DCLK2: variants seen among roughly 807,000 people sequenced by gnomAD.
DCLK2 encodes serine/threonine-protein kinase DCLK2.
In DCLK2, 31 loss-of-function variants were observed where a neutral mutation model predicts 78.4. That is an observed-to-expected ratio of 0.40 (90% CI 0.30 to 0.53). The LOEUF is 0.53. DCLK2 is among the 20% of genes least tolerant of loss of function. The pLI, the probability that DCLK2 is intolerant of heterozygous loss-of-function variation, is 0.61. For synonymous variants in DCLK2, 407 were observed against 374.9 expected (o/e 1.09, Z -0.99); for missense variants, 872 against 973.7 (o/e 0.90, Z 1.39).
At chr4:150,250,858 C>A (rs1158143030) in intron 15 of DCLK2, among the ~76,000 whole-genome samples, 1 of 136,002 alleles carries the variant, frequency 7.4e-6, no homozygotes, top group Admixed American at 7.2e-5. Flanking sequence ...ACCCACATCC[C>A]CACACCCCCA....
At chr4:150,246,047 C>CT (rs35501963) in intron 12 of DCLK2, among the ~76,000 whole-genome samples, 2,120 of 143,718 alleles carry the variant, frequency 0.015, 56 homozygotes, top group Admixed American at 0.067. Context: ...AAACTCTACT[C>CT]TTTTTTTTTT....
At chr4:150,107,378 G>GTTTTTTTTTTTTTTTTTTTTTT (rs201080236) in intron 2 of DCLK2, among the ~76,000 whole-genome samples, 1 of 125,180 alleles carries the variant, frequency 8.0e-6, no homozygotes, top group African/African-American at 3.2e-5. Context: ...TTTGGTTATT[G>GTTTTTTTTTTTTTTTTTTTTTT]TTTTTTTTTT....
chr4:150,226,980 T>C (rs1286328669), intron 8 of DCLK2, among the ~76,000 whole-genome samples: 3 of 152,380 alleles, frequency 2.0e-5, no homozygotes, highest in African/African-American at 7.2e-5. Flanking sequence ...ATCTGCTATT[T>C]GTTAAAATGT....
intron 4 of DCLK2, chr4:150,198,989 C>T (rs1483585197): frequency 1.3e-6 from 2 of 1,530,436 alleles, no homozygotes; most frequent in Non-Finnish European, 1.8e-6. Flanking sequence ...AACCACTCTC[C>T]TTACTGTCTT....
chr4:150,096,163 G>T lies in DCLK2; in HGVS notation c.422-6315G>T, dbSNP rs185781438. ...GTAGAAGGAGTTGGTTTCCAGAGGG[G>T]TTTAGACCAAAGTCAACCGTTCTGC... On this transcript the variant is annotated intron_variant, in intron 1 of 15. Transcript: ENST00000296550. 3.0e-3 allele frequency among the ~76,000 whole-genome samples: 453 copies of T among 152,330 alleles called. 4 individuals carry two copies. The highest frequency in any genetic ancestry group is 0.01 in the African/African-American group (433 of 41,582).
chr4:150,214,953 CAAAAAAA>C (rs60156550), intron 5 of DCLK2, among the ~76,000 whole-genome samples: 3 of 86,474 alleles, frequency 3.5e-5, no homozygotes, highest in African/African-American at 1.3e-4. Context: ...CAGAGTGTCT[CAAAAAAA>C]AAAAAAAAAA....
chr4:150,110,586 G>C (rs550809984), intron 2 of DCLK2, among the ~76,000 whole-genome samples: 1 of 152,122 alleles, frequency 6.6e-6, no homozygotes, highest in East Asian at 1.9e-4. Flanking sequence ...CGTCACCTGA[G>C]TAGTGTACAT....
At chr4:150,093,526 C>A (rs1730244780) in intron 1 of DCLK2, among the ~76,000 whole-genome samples, 1 of 152,186 alleles carries the variant, frequency 6.6e-6, no homozygotes, top group South Asian at 2.1e-4. Context: ...GAATTACAGG[C>A]TTGTGCCACC....
intron 5 of DCLK2, among the ~76,000 whole-genome samples, chr4:150,214,748 G>T (rs1311303720): frequency 1.3e-5 from 2 of 151,908 alleles, no homozygotes; most frequent in Non-Finnish European, 2.9e-5. Flanking sequence ...GATCACTTGG[G>T]GTCAAGAGTT....
At chr4:150,159,843 G>A (rs1468775792) in intron 2 of DCLK2, among the ~76,000 whole-genome samples, 2 of 152,122 alleles carry the variant, frequency 1.3e-5, no homozygotes, top group African/African-American at 4.8e-5. Context: ...CATATGTTCC[G>A]CTTTGCTAGA....
chr4:150,245,589 T>G (rs866662351), intron 12 of DCLK2, among the ~76,000 whole-genome samples: 17 of 152,110 alleles, frequency 1.1e-4, no homozygotes, highest in Non-Finnish European at 1.6e-4. Flanking sequence ...CATTGTTCAA[T>G]TCCCACCTAT....
Position 150,114,480 on chromosome 4 carries a change from G to A in DCLK2, c.756+11668G>A. 2.0e-5 allele frequency among the ~76,000 whole-genome samples: 3 copies of A among 152,202 alleles called. No individual in the cohort carries two copies. The South Asian group carries it at 6.2e-4, about 32-fold the overall frequency. On this transcript the variant is annotated intron_variant, in intron 2 of 15. Transcript: ENST00000296550. Reference sequence around the variant, plus strand: ...CACTTAGATACTTTTCTTCATCGTGGTATTTTTTTATAGGCCCTGTGAGTT... The same window carrying A: ...CACTTAGATACTTTTCTTCATCGTGATATTTTTTTATAGGCCCTGTGAGTT...
intron 10 of DCLK2, among the ~76,000 whole-genome samples, chr4:150,233,882 G>A (rs1157717827): frequency 6.6e-6 from 1 of 152,116 alleles, no homozygotes; most frequent in Non-Finnish European, 1.5e-5. Flanking sequence ...TCGTGACCAC[G>A]TTATAGAAGA....
chr4:150,229,928 A>G (rs1222211633), intron 8 of DCLK2, among the ~76,000 whole-genome samples: 1 of 152,238 alleles, frequency 6.6e-6, no homozygotes, highest in Non-Finnish European at 1.5e-5. Context: ...TTTTTTACAT[A>G]TTAGAAACAA....
intron 1 of DCLK2, among the ~76,000 whole-genome samples, chr4:150,096,349 T>A (rs892300131): frequency 1.3e-5 from 2 of 152,216 alleles, no homozygotes; most frequent in African/African-American, 2.4e-5. Context: ...GTTTTAGATA[T>A]GTAGCATGTG....
intron 12 of DCLK2, among the ~76,000 whole-genome samples, chr4:150,242,856 C>G (rs936567635): frequency 2.0e-5 from 3 of 152,138 alleles, no homozygotes; most frequent in African/African-American, 7.2e-5. Flanking sequence ...AATTTGTGGC[C>G]ATTTTTAAAG....
At chr4:150,203,276 A>G (rs1739582896) in intron 4 of DCLK2, among the ~76,000 whole-genome samples, 1 of 152,202 alleles carries the variant, frequency 6.6e-6, no homozygotes, top group Non-Finnish European at 1.5e-5. Context: ...TACAAGGAAA[A>G]CTACCAGCAA....
chr4:150,089,138 A>G (rs1459863959), intron 1 of DCLK2, among the ~76,000 whole-genome samples: 1 of 152,206 alleles, frequency 6.6e-6, no homozygotes, highest in African/African-American at 2.4e-5. Context: ...GGAATACCCA[A>G]CCTGTATTTC....
At chr4:150,104,330 G>A (rs1174676597) in intron 2 of DCLK2, among the ~76,000 whole-genome samples, 1 of 132,114 alleles carries the variant, frequency 7.6e-6, no homozygotes, top group Non-Finnish European at 1.6e-5. Flanking sequence ...TCGGGCTGCA[G>A]TGAGCTATGA....
Sources: allele counts gnomAD v4.1 joint callset (sites outside exome capture counted in the v4.1 genomes callset), GRCh38; gene constraint gnomAD v4.1.1; transcripts MANE v1.5; gene names NCBI Gene and HGNC (gene_info 2026-07-23, HGNC 2026-07-21).